The following TNFSF13B variants were observed in gnomAD, a reference collection of about 807,000 sequenced individuals.
The protein encoded by TNFSF13B is TNF superfamily member 13b.
In TNFSF13B, 8 loss-of-function variants were observed where a neutral mutation model predicts 29.1. The ratio of observed to expected loss-of-function variants is 0.27; its 90% confidence interval spans 0.16 to 0.50. The LOEUF is 0.50. Among genes scored for constraint, TNFSF13B ranks in the 20% least tolerant of loss-of-function variants. The pLI, the probability that TNFSF13B is intolerant of heterozygous loss-of-function variation, is 0.98. For missense variants in TNFSF13B, 248 were observed against 334.9 expected, an observed-to-expected ratio of 0.74 and a Z score of 2.03; for synonymous variants, 125 against 130.8, an observed-to-expected ratio of 0.96 and a Z score of 0.30.
intron 2 of TNFSF13B, among the ~76,000 whole-genome samples, chr13:108,281,680 G>T (rs1466103705): frequency 3.3e-5 from 5 of 152,112 alleles, no homozygotes; most frequent in Non-Finnish European, 7.4e-5. Context: ...TTTCTAGTAG[G>T]CCAATATGTA....
At chr13:108,286,485 G>C (rs1282726719) in intron 2 of TNFSF13B, among the ~76,000 whole-genome samples, 1 of 151,950 alleles carries the variant, frequency 6.6e-6, no homozygotes, top group Non-Finnish European at 1.5e-5. Flanking sequence ...TCATGTATTT[G>C]GTAGACTTGC....
intron 2 of TNFSF13B, among the ~76,000 whole-genome samples, chr13:108,278,668 TCC>T (rs1880840657): frequency 1.3e-4 from 1 of 7,754 alleles, no homozygotes; most frequent in Non-Finnish European, 2.9e-4. Flanking sequence ...CCTCCTCCTC[TCC>T]TCCTCTCCTC....
intron 2 of TNFSF13B, among the ~76,000 whole-genome samples, chr13:108,282,919 A>G (rs1412450568): frequency 6.6e-6 from 1 of 152,190 alleles, no homozygotes; most frequent in Non-Finnish European, 1.5e-5. Flanking sequence ...GTAGAGGGAG[A>G]GATGTGTGAA....
intron 3 of TNFSF13B, among the ~76,000 whole-genome samples, chr13:108,290,708 T>G (rs920647222): frequency 7.2e-5 from 11 of 152,182 alleles, no homozygotes; most frequent in Admixed American, 1.3e-4. Context: ...TATTACTAAT[T>G]GCAAGCATTT....
intron 5 of TNFSF13B, among the ~76,000 whole-genome samples, chr13:108,305,563 A>T (rs1025624469): frequency 2.6e-5 from 4 of 152,152 alleles, no homozygotes; most frequent in Non-Finnish European, 5.9e-5. Flanking sequence ...TCCAATCTCT[A>T]TGAAAATGAC....
In TNFSF13B at chr13:108,299,392, A is replaced by G. The variant is rs547237392; in HGVS notation, c.482-3861A>G. Among the ~76,000 whole-genome samples the G allele has an allele frequency of 2.2e-4, 25 of 111,694 alleles. 3 individuals are homozygous for G. Among genetic ancestry groups the G allele is most frequent in the Middle Eastern group, 4.7e-3 (1 of 214 alleles). The allele number at this position is 111,694 out of a possible 152,430, so 73.3% of individuals were successfully genotyped here. On this transcript the variant is annotated intron_variant, in intron 3 of 5. Transcript: ENST00000375887. ...CAGTTAGGATGTTACAATGTAGCAA[A>G]TCTGGAAATCAAAATTACTCCCATC... is the stretch of plus-strand genomic sequence containing the variant.
At chr13:108,276,344 G>T (rs1880761640) in intron 2 of TNFSF13B, among the ~76,000 whole-genome samples, 1 of 152,200 alleles carries the variant, frequency 6.6e-6, no homozygotes. Flanking sequence ...TTTCTTCAGT[G>T]TTGCAAGAAC....
In TNFSF13B at chr13:108,270,220, A is replaced by C. The variant is rs1162673027; in HGVS notation, c.325A>C (p.Thr109Pro). Reference sequence around the variant, plus strand: ...CGGCCTGGAGGAAGCTCCAGCTGTCACCGCGGGACTGAAAGTGAGTTTGCA... The same window carrying C: ...CGGCCTGGAGGAAGCTCCAGCTGTCCCCGCGGGACTGAAAGTGAGTTTGCA... ...KAGLEEAPAV[T>P]AGLKIFEPPA... is the part of the protein sequence containing the mutation. The change falls in exon 1 of 6, where the codon ACC (threonine) becomes CCC (proline). Residue 109 changes from threonine (T) to proline (P), a missense_variant. Physicochemically the swap from Thr to Pro is conservative, Grantham distance 38. Coordinates refer to ENST00000375887, the MANE Select transcript of TNFSF13B (RefSeq NM_006573.5). The C allele has an allele frequency of 7.5e-6, 12 of 1,604,632 alleles. No homozygotes were observed. The highest frequency in any genetic ancestry group is 8.5e-6 in the Non-Finnish European group (10 of 1,177,884).
intron 2 of TNFSF13B, among the ~76,000 whole-genome samples, chr13:108,274,028 C>A (rs888102578): frequency 2.6e-5 from 4 of 152,076 alleles, no homozygotes; most frequent in Non-Finnish European, 4.4e-5. Flanking sequence ...AATGCATTTT[C>A]TCTTCCTTAT....
At chr13:108,292,095 G>A (rs773446911) in intron 3 of TNFSF13B, among the ~76,000 whole-genome samples, 2 of 151,894 alleles carry the variant, frequency 1.3e-5, no homozygotes, top group Non-Finnish European at 2.9e-5. Flanking sequence ...TTCAGCCCCA[G>A]AGAAAATCCT....
chr13:108,290,161 T>C (rs1881264027), intron 3 of TNFSF13B, among the ~76,000 whole-genome samples: 1 of 152,184 alleles, frequency 6.6e-6, no homozygotes, highest in Non-Finnish European at 1.5e-5. Context: ...AATGAGATTA[T>C]AACCTGCATT....
At chr13:108,286,906 A>G (rs780295018) in intron 3 of TNFSF13B, 47 bp downstream of exon 3, 43 of 1,361,868 alleles carry the variant, frequency 3.2e-5, no homozygotes, top group Middle Eastern at 2.6e-4. Flanking sequence ...ATGTCCATCA[A>G]TGATAGACTG....
chr13:108,288,999 G>A (rs774618486), intron 3 of TNFSF13B, among the ~76,000 whole-genome samples: 1 of 152,096 alleles, frequency 6.6e-6, no homozygotes, highest in Non-Finnish European at 1.5e-5. Context: ...TAAACTACTT[G>A]TAAATCTATT....
chr13:108,300,374 C>G (rs1275832622), intron 3 of TNFSF13B, among the ~76,000 whole-genome samples: 2 of 152,088 alleles, frequency 1.3e-5, no homozygotes, highest in Admixed American at 1.3e-4. Flanking sequence ...CCCTTTAGCT[C>G]AGAAAATTTA....
intron 5 of TNFSF13B, among the ~76,000 whole-genome samples, chr13:108,306,618 A>G (rs549022270): frequency 1.3e-5 from 2 of 152,008 alleles, no homozygotes; most frequent in East Asian, 3.9e-4. Context: ...AAATGCATAC[A>G]TATCTGTTGT....
At chr13:108,284,398 G>A (rs910305966) in intron 2 of TNFSF13B, among the ~76,000 whole-genome samples, 1 of 151,834 alleles carries the variant, frequency 6.6e-6, no homozygotes, top group Non-Finnish European at 1.5e-5. Context: ...AATAAAAAAA[G>A]ACAAAAGAAA....
At chr13:108,272,303 A>G (rs898530095) in intron 2 of TNFSF13B, among the ~76,000 whole-genome samples, 2 of 152,112 alleles carry the variant, frequency 1.3e-5, no homozygotes, top group African/African-American at 4.8e-5. Flanking sequence ...TAATTGATCA[A>G]AATTTTGATG....
At chr13:108,283,623 A>G (rs1419799077) in intron 2 of TNFSF13B, among the ~76,000 whole-genome samples, 2 of 152,216 alleles carry the variant, frequency 1.3e-5, no homozygotes, top group African/African-American at 2.4e-5. Context: ...TAGAACATCT[A>G]AATCTGCCTT....
At chr13:108,283,722 A>C (rs1024231812) in intron 2 of TNFSF13B, among the ~76,000 whole-genome samples, 2 of 152,208 alleles carry the variant, frequency 1.3e-5, no homozygotes, top group Admixed American at 1.3e-4. Context: ...AGGGGGCCGG[A>C]AGTCCAAGAC....
Sources: gnomAD v4.1 joint callset for allele counts (sites outside exome capture counted in the v4.1 genomes callset) on GRCh38, gnomAD v4.1.1 for gene constraint, MANE v1.5 for transcripts, NCBI Gene and HGNC (gene_info 2026-07-23, HGNC 2026-07-21) for gene names.